ENPP6: variants seen among roughly 807,000 people sequenced by gnomAD.
ENPP6 encodes the protein glycerophosphocholine cholinephosphodiesterase ENPP6.
A neutral mutation model predicts 42.0 loss-of-function variants in ENPP6; 32 were observed. The observed-to-expected ratio is 0.76, with a 90% CI of 0.58 to 1.02. The LOEUF is 1.02. ENPP6 is among the 50% of genes least tolerant of loss of function. ENPP6 has a pLI of 0.00. For missense variants in ENPP6, 552 were observed against 566.8 expected, an observed-to-expected ratio of 0.97 and a Z score of 0.27; for synonymous variants, 213 against 216.0, an observed-to-expected ratio of 0.99 and a Z score of 0.12.
intron 1 of ENPP6, among the ~76,000 whole-genome samples, chr4:184,194,162 C>G (rs1321406892): frequency 6.6e-6 from 1 of 152,212 alleles, no homozygotes; most frequent in East Asian, 1.9e-4. Context: ...CCTCGGTCAG[C>G]ATCTCCGGGC....
At chr4:184,095,666 AT>A (rs1219323663) in intron 7 of ENPP6, among the ~76,000 whole-genome samples, 14 of 132,214 alleles carry the variant, frequency 1.1e-4, no homozygotes, top group South Asian at 6.4e-4. Context: ...AAAAAAAAAA[AT>A]ATATCTATAT....
intron 2 of ENPP6, among the ~76,000 whole-genome samples, chr4:184,146,051 T>C (rs13104911): frequency 0.59 from 87,301 of 148,462 alleles, 26,238 homozygotes; most frequent in South Asian, 0.66. Context: ...TTAGTTTGTC[T>C]GCTGTTACTT....
chr4:184,107,446 T>C (rs1309005076), intron 6 of ENPP6, among the ~76,000 whole-genome samples: 2 of 152,080 alleles, frequency 1.3e-5, no homozygotes, highest in African/African-American at 4.8e-5. Context: ...TATTAAAGAG[T>C]GCAGGGGCAG....
chr4:184,208,928 C>T (rs1481669789), intron 1 of ENPP6, among the ~76,000 whole-genome samples: 1 of 144,214 alleles, frequency 6.9e-6, no homozygotes, highest in Non-Finnish European at 1.5e-5. Flanking sequence ...GTCCCTGACC[C>T]CTGACCCCCG....
chr4:184,182,938 G>T (rs1054567646), intron 1 of ENPP6, among the ~76,000 whole-genome samples: 1 of 152,142 alleles, frequency 6.6e-6, no homozygotes, highest in African/African-American at 2.4e-5. Flanking sequence ...GTTGATAGGT[G>T]CAGCCAACCA....
intron 5 of ENPP6, among the ~76,000 whole-genome samples, chr4:184,114,755 T>G (rs1736285532): frequency 7.8e-6 from 1 of 128,240 alleles, no homozygotes; most frequent in East Asian, 2.3e-4. Flanking sequence ...GACACAAGGA[T>G]GATCTTTCTT....
chr4:184,171,792 T>TG (rs1440833065), intron 1 of ENPP6, among the ~76,000 whole-genome samples: 1 of 151,978 alleles, frequency 6.6e-6, no homozygotes, highest in Non-Finnish European at 1.5e-5. Flanking sequence ...CATTGATTTT[T>TG]TTTTTTAAAC....
chr4:184,132,511 T>C (rs907597024), intron 2 of ENPP6, among the ~76,000 whole-genome samples: 3 of 152,154 alleles, frequency 2.0e-5, no homozygotes, highest in East Asian at 1.9e-4. Flanking sequence ...TGTCTTTTCA[T>C]AAAGAGAAGC....
At chr4:184,190,023 T>A (rs1732692576) in intron 1 of ENPP6, among the ~76,000 whole-genome samples, 1 of 152,172 alleles carries the variant, frequency 6.6e-6, no homozygotes, top group Non-Finnish European at 1.5e-5. Flanking sequence ...TTTCATGTTA[T>A]TAAAAATCAT....
intron 1 of ENPP6, among the ~76,000 whole-genome samples, chr4:184,209,480 G>A (rs1733073911): frequency 6.6e-6 from 1 of 151,844 alleles, no homozygotes; most frequent in South Asian, 2.1e-4. Flanking sequence ...GGAAGAAAGG[G>A]TATCAGCAAT....
chr4:184,169,534 T>G (rs1560999875), intron 1 of ENPP6, among the ~76,000 whole-genome samples: 1 of 152,146 alleles, frequency 6.6e-6, no homozygotes, highest in Non-Finnish European at 1.5e-5. Flanking sequence ...GTCACTTGCT[T>G]CCTTTGCCTG....
At chr4:184,204,153 G>T (rs13130545) in intron 1 of ENPP6, 101,446 of 152,040 alleles carry the variant, frequency 0.67, 34,214 homozygotes, top group East Asian at 0.93. Context: ...GATACTGGAT[G>T]AGTGCCCACC....
chr4:184,208,520 C>T (rs78117417), intron 1 of ENPP6, among the ~76,000 whole-genome samples: 9 of 152,166 alleles, frequency 5.9e-5, no homozygotes, highest in Non-Finnish European at 1.0e-4. Context: ...CCAAATACTG[C>T]GCTTTTCCGA....
rs558021166 is a variant in ENPP6, at chr4:184,149,494, G to C, written c.421+4060C>G. On this transcript the variant is annotated intron_variant, in intron 2 of 7. Transcript: ENST00000296741. The stretch of plus-strand genomic sequence containing the variant: ...CTGGAAAGTGTGGGATTGGAAACCA[G>C]GTGGAAATGTGTCTTTCTCTACATA... 2.6e-5 allele frequency among the ~76,000 whole-genome samples: 4 copies of C among 152,334 alleles called. 1 individual carries two copies. The highest frequency in any genetic ancestry group is 9.6e-5 in the African/African-American group (4 of 41,566).
At chr4:184,131,259 TCTTCC>T (rs1295509182) in intron 2 of ENPP6, among the ~76,000 whole-genome samples, 1,359 of 73,346 alleles carry the variant, frequency 0.019, 167 homozygotes, top group African/African-American at 0.07. Context: ...TTTCTCTTTC[TCTTCC>T]TTCCTTCCTT....
intron 2 of ENPP6, among the ~76,000 whole-genome samples, chr4:184,144,862 C>T (rs4302500): frequency 0.97 from 148,256 of 152,362 alleles, 72,246 homozygotes; most frequent in East Asian, 1. Flanking sequence ...GGTACAATCC[C>T]GTACTCATCG....
At chr4:184,132,850 TATATATAA>T (rs946132455) in intron 2 of ENPP6, among the ~76,000 whole-genome samples, 63 of 144,720 alleles carry the variant, frequency 4.4e-4, no homozygotes, top group Middle Eastern at 3.8e-3. Context: ...TATATATATA[TATATATAA>T]AATCTCCAAT....
At chr4:184,210,071 G>C in intron 1 of ENPP6, among the ~76,000 whole-genome samples, 1 of 151,050 alleles carries the variant, frequency 6.6e-6, no homozygotes. Flanking sequence ...TGTCCTAAAA[G>C]AGCTCCTGAA....
intron 3 of ENPP6, 55 bp from the exon 4 acceptor site, chr4:184,117,955 C>T (rs1736352501): frequency 1.3e-6 from 2 of 1,582,628 alleles, no homozygotes; most frequent in East Asian, 2.3e-5. Context: ...CAGCTTGCTC[C>T]CTTATCACCC....
Sources: allele counts gnomAD v4.1 joint callset (sites outside exome capture counted in the v4.1 genomes callset), GRCh38; gene constraint gnomAD v4.1.1; transcripts MANE v1.5; gene names NCBI Gene and HGNC (gene_info 2026-07-23, HGNC 2026-07-21).